Variants in TMEM182 observed in about 807,000 individuals in gnomAD.
The protein encoded by TMEM182 is transmembrane protein 182.
In TMEM182, 20 loss-of-function variants were observed where a neutral mutation model predicts 26.8. That is an observed-to-expected ratio of 0.75 (90% confidence interval 0.53 to 1.09). TMEM182 has a LOEUF of 1.09. TMEM182 is among the 50% of genes least tolerant of loss of function. TMEM182 has a pLI of 0.00. For missense variants in TMEM182, 277 were observed against 275.5 expected, an observed-to-expected ratio of 1.01 and a Z score of -0.04; for synonymous variants, 109 against 102.2, an observed-to-expected ratio of 1.07 and a Z score of -0.40.
intron 4 of TMEM182, among the ~76,000 whole-genome samples, chr2:102,811,698 G>A (rs902624050): frequency 6.6e-6 from 1 of 152,064 alleles, no homozygotes; most frequent in Non-Finnish European, 1.5e-5. Context: ...GGGAAATAAT[G>A]TACCACTATC....
intron 4 of TMEM182, among the ~76,000 whole-genome samples, chr2:102,802,302 G>A (rs1238193195): frequency 6.6e-6 from 1 of 152,150 alleles, no homozygotes; most frequent in African/African-American, 2.4e-5. Context: ...GAGCGGTGGG[G>A]CCCATGGTGT....
At chr2:102,827,077 C>G (rs1683046989) in intron 3 of TMEM182, among the ~76,000 whole-genome samples, 1 of 152,208 alleles carries the variant, frequency 6.6e-6, no homozygotes, top group South Asian at 2.1e-4. Flanking sequence ...CATCACAGCA[C>G]GTAGCATGCT....
intron 4 of TMEM182, among the ~76,000 whole-genome samples, chr2:102,799,434 G>C (rs773181491): frequency 1.3e-5 from 2 of 152,182 alleles, no homozygotes; most frequent in Non-Finnish European, 2.9e-5. Flanking sequence ...CTTGGAAAAG[G>C]CAGATTAATT....
chr2:102,798,357 C>T (rs183899459), intron 4 of TMEM182, among the ~76,000 whole-genome samples: 224 of 152,222 alleles, frequency 1.5e-3, no homozygotes, highest in African/African-American at 5.2e-3. Flanking sequence ...ACCTCTTACC[C>T]TATTAATTTT....
At chr2:102,781,289 T>A (rs938765790) in intron 3 of TMEM182, among the ~76,000 whole-genome samples, 1 of 151,600 alleles carries the variant, frequency 6.6e-6, no homozygotes, top group Admixed American at 6.6e-5. Context: ...CCTTAGCAAT[T>A]GGAGGGATGG....
At chr2:102,782,789 A>G (rs1453888698) in intron 3 of TMEM182, among the ~76,000 whole-genome samples, 1 of 152,158 alleles carries the variant, frequency 6.6e-6, no homozygotes, top group East Asian at 1.9e-4. Flanking sequence ...AAGCTTTATT[A>G]TTTTACATTT....
intron 3 of TMEM182, among the ~76,000 whole-genome samples, chr2:102,838,502 A>G (rs1373680321): frequency 6.6e-6 from 1 of 152,214 alleles, no homozygotes; most frequent in Non-Finnish European, 1.5e-5. Context: ...GGGCTCCAGG[A>G]TGGAAGGACC....
At position 102,762,130 on chromosome 2, in the gene TMEM182, T is replaced by C; in HGVS notation, c.-88T>C. 1 of 1,061,208 alleles carries C rather than the reference T, an allele frequency of 9.4e-7. No individual in the cohort carries two copies. The highest frequency in any genetic ancestry group is 1.3e-6 in the Non-Finnish European group (1 of 746,554). 65.7% of individuals were successfully genotyped at this position (1,061,208 alleles called of 1,614,324 possible). A position where few individuals can be genotyped will look rare whatever the true frequency, so the allele number is the denominator to read the frequency against. On this transcript the variant is annotated 5_prime_UTR_variant, in exon 1 of 5. Coordinates refer to ENST00000412401, the MANE Select transcript of TMEM182 (RefSeq NM_144632.5). ...AACTCAAAAATATTATTCTTTTTTT[T>C]TTTTTTTTGCTGTTGTTTCTGAGAA...
At chr2:102,787,701 T>A (rs993859023) in intron 3 of TMEM182, among the ~76,000 whole-genome samples, 1 of 152,260 alleles carries the variant, frequency 6.6e-6, no homozygotes, top group Non-Finnish European at 1.5e-5. Context: ...TGGGAAGATT[T>A]GATCCTAGAA....
intron 1 of TMEM182, among the ~76,000 whole-genome samples, chr2:102,756,772 G>A (rs902593448): frequency 5.3e-5 from 8 of 152,198 alleles, no homozygotes; most frequent in African/African-American, 1.9e-4. Flanking sequence ...ACTCATTAAT[G>A]AAAGGAAACT....
At chr2:102,826,166 A>C (rs774945502) in intron 3 of TMEM182, among the ~76,000 whole-genome samples, 4 of 152,132 alleles carry the variant, frequency 2.6e-5, no homozygotes, top group Non-Finnish European at 5.9e-5. Context: ...GAGGGCATCC[A>C]GGTATGTGGT....
At chr2:102,806,223 A>G (rs1469867362) in intron 4 of TMEM182, among the ~76,000 whole-genome samples, 1 of 151,976 alleles carries the variant, frequency 6.6e-6, no homozygotes, top group African/African-American at 2.4e-5. Context: ...ATTTTCGTGT[A>G]TGGAAAGAGA....
At chr2:102,800,658 C>CTT (rs113982884) in intron 4 of TMEM182, among the ~76,000 whole-genome samples, 1 of 147,278 alleles carries the variant, frequency 6.8e-6, no homozygotes, top group African/African-American at 2.5e-5. Context: ...TTTTTCCTTG[C>CTT]TTTTTTTTTT....
intron 1 of TMEM182, among the ~76,000 whole-genome samples, chr2:102,744,682 C>T (rs1679638953): frequency 6.6e-6 from 1 of 152,100 alleles, no homozygotes; most frequent in Admixed American, 6.5e-5. Flanking sequence ...TCTAGATTGA[C>T]AAGTGTTTTA....
intron 4 of TMEM182, among the ~76,000 whole-genome samples, chr2:102,799,516 G>C (rs1394755001): frequency 6.6e-6 from 1 of 152,158 alleles, no homozygotes; most frequent in Non-Finnish European, 1.5e-5. Flanking sequence ...AAAAGATATG[G>C]GCAAATTGTC....
At chr2:102,783,645 A>C (rs1425429325) in intron 3 of TMEM182, among the ~76,000 whole-genome samples, 5 of 152,164 alleles carry the variant, frequency 3.3e-5, no homozygotes, top group Non-Finnish European at 1.5e-5. Context: ...TGTTGGGTGC[A>C]ATGGTGTGCT....
chr2:102,789,990 C>T (rs986906521), intron 3 of TMEM182, among the ~76,000 whole-genome samples: 2 of 152,182 alleles, frequency 1.3e-5, no homozygotes, highest in Non-Finnish European at 2.9e-5. Context: ...CCCTTTCTCA[C>T]TGCTACTCAG....
intron 3 of TMEM182, among the ~76,000 whole-genome samples, chr2:102,773,388 C>A: frequency 6.6e-6 from 1 of 151,602 alleles, no homozygotes; most frequent in East Asian, 1.9e-4. Context: ...TGTAATGTGG[C>A]CAGGGGAAAG....
At chr2:102,837,893 G>T (rs113070302) in intron 3 of TMEM182, among the ~76,000 whole-genome samples, 5,067 of 152,306 alleles carry the variant, frequency 0.033, 132 homozygotes, top group Middle Eastern at 0.058. Context: ...CTTAGGGCTA[G>T]CTACGTCATT....
Sources: allele counts gnomAD v4.1 joint callset (sites outside exome capture counted in the v4.1 genomes callset), GRCh38; gene constraint gnomAD v4.1.1; transcripts MANE v1.5; gene names NCBI Gene and HGNC (gene_info 2026-07-23, HGNC 2026-07-21).